The following ARMC6 variants were observed in gnomAD, a reference collection of about 807,000 sequenced individuals.
ARMC6 encodes armadillo repeat-containing protein 6.
Under a neutral mutation model 49.2 loss-of-function variants are expected in ARMC6, and 43 were observed. The ratio of observed to expected loss-of-function variants is 0.87; its 90% CI spans 0.69 to 1.13. The LOEUF (loss-of-function observed/expected upper bound fraction) is 1.13, where lower values mean the gene tolerates loss of function less well. Ranked by LOEUF, ARMC6 falls within the 50% of genes most tolerant of loss-of-function variation. The pLI, the probability that ARMC6 is intolerant of heterozygous loss-of-function variation, is 0.00. For missense variants in ARMC6, 627 were observed against 682.0 expected, an observed-to-expected ratio of 0.92 and a Z score of 0.90; for synonymous variants, 262 against 289.6, an observed-to-expected ratio of 0.90 and a Z score of 0.97.
intron 3 of ARMC6, among the ~76,000 whole-genome samples, chr19:19,043,629 C>G (rs937154848): frequency 1.3e-5 from 2 of 152,122 alleles, no homozygotes; most frequent in African/African-American, 4.8e-5. Flanking sequence ...AGAATGCAGC[C>G]AGAGCCAGGA....
chr19:19,054,009 T>G, intron 5 of ARMC6, 143 bp from the exon 6 acceptor site: 1 of 732,210 alleles, frequency 1.4e-6, no homozygotes, highest in South Asian at 3.4e-5. Flanking sequence ...CCCCTGGTGT[T>G]CCCTGGGGCC....
intron 2 of ARMC6, chr19:19,037,565 C>A: frequency 1.1e-6 from 1 of 941,820 alleles, no homozygotes; most frequent in Non-Finnish European, 1.5e-6. Context: ...TGGAGTTTCG[C>A]CACGTGTCCA....
Position 19,045,493 on chromosome 19 carries a change from C to CTTTGTTTTTTTTTTTTTTTT in ARMC6, c.279+1422_279+1423insGTTTTTTTTTTTTTTTTTTT. On this transcript the variant is annotated intron_variant, in intron 4 of 8. Coordinates refer to ENST00000535612, the MANE Select transcript of ARMC6 (RefSeq NM_001199196.2). The stretch of plus-strand genomic sequence containing the variant: ...TAAGTGCTCAGCATTATGCTAAATT[C>CTTTGTTTTTTTTTTTTTTTT]TTTTTTTTTTTGAGACAAGAGTCTC... 2.2e-5 allele frequency among the ~76,000 whole-genome samples: 2 copies of CTTTGTTTTTTTTTTTTTTTT among 89,118 alleles called. 1 individual carries two copies. The highest frequency in any genetic ancestry group is 4.1e-5 in the Non-Finnish European group (2 of 49,294). The allele number at this position is 89,118 out of a possible 152,430, so 58.5% of individuals were successfully genotyped here. A position where few individuals can be genotyped will look rare whatever the true frequency, so the allele number is the denominator to read the frequency against.
intron 6 of ARMC6, among the ~76,000 whole-genome samples, chr19:19,054,794 C>T (rs2059529693): frequency 1.3e-5 from 2 of 152,194 alleles, no homozygotes; most frequent in South Asian, 4.1e-4. Flanking sequence ...CTGTTGACGT[C>T]AGCCAGCCTC....
At chr19:19,057,350 C>T (rs1018554476) in intron 8 of ARMC6, 66 bp from the exon 9 acceptor site, 12 of 1,373,950 alleles carry the variant, frequency 8.7e-6, no homozygotes, top group Non-Finnish European at 1.2e-5. Context: ...TGATGAAGAC[C>T]CTGAGGTCAG....
intron 2 of ARMC6, among the ~76,000 whole-genome samples, chr19:19,041,314 G>A (rs2059409884): frequency 6.6e-6 from 1 of 152,166 alleles, no homozygotes; most frequent in South Asian, 2.1e-4. Flanking sequence ...ATATATAGGA[G>A]TTCTGAGATT....
chr19:19,051,266 G>A lies in ARMC6; in HGVS notation c.280-356G>A, dbSNP rs369903143. ...ACTGGATGGTTCTTCTGCTGGTATC[G>A]CTTGGGGCCTCTTGATGGCAGGTAG... is the stretch of plus-strand genomic sequence containing the variant. On this transcript the variant is annotated intron_variant, in intron 4 of 8. Coordinates refer to ENST00000535612, the MANE Select transcript of ARMC6 (RefSeq NM_001199196.2). 3.0e-4 allele frequency among the ~76,000 whole-genome samples: 45 copies of A among 152,230 alleles called. No individual in the cohort carries two copies. The East Asian group carries it at 7.1e-3, about 24-fold the overall frequency.
Position 19,055,702 on chromosome 19 carries a change from G to A in ARMC6, c.1156-89G>A. 2.0e-6 allele frequency: 3 copies of A among 1,490,548 alleles called. No individual in the cohort carries two copies. Among genetic ancestry groups the A allele is most frequent in the Non-Finnish European group, 2.7e-6 (3 of 1,115,258 alleles). The allele number at this position is 1,490,548 out of a possible 1,614,324, so 92.3% of individuals were successfully genotyped here. On this transcript the variant is annotated intron_variant, in intron 7 of 8. Transcript: ENST00000535612. This position sits in a 1 kb window ranked among gnomAD's most constrained non-coding sequence, Gnocchi z 5.7. ...AGAGACCCACGGAGGGGAGGCCGCA[G>A]GGTGTTCACCAGGGGTTGGTGGCCA... is the stretch of plus-strand genomic sequence containing the variant.
chr19:19,056,627 G>GA (rs1357806464), intron 8 of ARMC6, among the ~76,000 whole-genome samples: 1 of 152,172 alleles, frequency 6.6e-6, no homozygotes, highest in African/African-American at 2.4e-5. Context: ...CGTGGATGGG[G>GA]ATCTGCCTGG....
chr19:19,048,870 T>A (rs2059473111), intron 4 of ARMC6, among the ~76,000 whole-genome samples: 2 of 152,156 alleles, frequency 1.3e-5, no homozygotes, highest in Non-Finnish European at 2.9e-5. Flanking sequence ...TTAGTTAGGC[T>A]GGAACTTGGT....
Position 19,054,229 on chromosome 19 carries a change from C to G in ARMC6, c.931C>G (p.Gln311Glu). The change falls in exon 6 of 9, where the codon CAG (glutamine) becomes GAG (glutamate). Residue 311 changes from glutamine to glutamate, a missense_variant. By Grantham distance (29) the Gln-to-Glu change is conservative. Coordinates refer to ENST00000535612, the MANE Select transcript of ARMC6 (RefSeq NM_001199196.2). The stretch of plus-strand genomic sequence containing the variant: ...CCTGGCCATTCGCAACGAGTTCTGC[C>G]AGGAGGTCGTCGACCTCGGGGGCCT... ...SRLAIRNEFC[Q>E]EVVDLGGLSI... 6.2e-7 allele frequency: 1 copy of G among 1,612,014 alleles called. No homozygotes were observed. The highest frequency in any genetic ancestry group is 8.5e-7 in the Non-Finnish European group (1 of 1,179,170).
intron 4 of ARMC6, among the ~76,000 whole-genome samples, chr19:19,047,042 C>T (rs1343326307): frequency 6.6e-6 from 1 of 150,956 alleles, no homozygotes; most frequent in Non-Finnish European, 1.5e-5. Context: ...CAACCTCCAC[C>T]TCCCAGGTTC....
At position 19,051,712 on chromosome 19, in the gene ARMC6, G is replaced by C. The variant is rs565358474; in HGVS notation, c.370G>C (p.Asp124His). ...LTRFCDQCKQ[D>H]KACRFLAAQK... is the part of the protein sequence containing the mutation. ...CCGCTTCTGCGACCAGTGCAAACAG[G>C]ACAAGGCCTGCCGCTTCCTCGCGGC... The change falls in exon 5 of 9, where the codon GAC becomes CAC. Residue 124 changes from aspartate to histidine, a missense_variant. Asp to His is a moderately conservative substitution (Grantham distance 81). Transcript: ENST00000535612. 1.2e-6 allele frequency: 2 copies of C among 1,613,974 alleles called. No individual in the cohort carries two copies. Among genetic ancestry groups the C allele is most frequent in the Non-Finnish European group, 1.7e-6 (2 of 1,180,038 alleles).
chr19:19,040,188 A>AGGAGGTAGGTGTTGCT lies in ARMC6; in HGVS notation c.30-2520_30-2505dup, dbSNP rs1226967800. ...TCACAGGTGCATTTTGTTCTTGTTC[A>AGGAGGTAGGTGTTGCT]GGAGGTAGGTGTTGCTGGTTTCTCT... On this transcript the variant is annotated intron_variant, in intron 2 of 8. Coordinates refer to ENST00000535612, the MANE Select transcript of ARMC6 (RefSeq NM_001199196.2). Among the ~76,000 whole-genome samples, 17 of 152,284 alleles carry AGGAGGTAGGTGTTGCT rather than the reference A, an allele frequency of 1.1e-4. No homozygotes were observed. In the East Asian group the frequency reaches 3.3e-3, roughly 29 times the overall value.
intron 2 of ARMC6, among the ~76,000 whole-genome samples, chr19:19,035,185 C>G (rs996210764): frequency 6.6e-6 from 1 of 152,034 alleles, no homozygotes; most frequent in Non-Finnish European, 1.5e-5. Context: ...TTTGTATTTT[C>G]AGTAGAGACA....
rs1410484657 is a variant in ARMC6, at chr19:19,051,823, G to A, written c.481G>A (p.Ala161Thr). The stretch of plus-strand genomic sequence containing the variant: ...GGGCCTTCTGCTCCAGTCCCTCAAT[G>A]CCCTGTCGGTGCTGACTGATGGACA... ...DQGLLLQSLNALSVLTDGQPD... is the reference protein window; with the variant it reads ...DQGLLLQSLNTLSVLTDGQPD... Residue 161 changes from alanine (A) to threonine (T), a missense_variant, in exon 5 of 9, where the codon GCC becomes ACC. Ala to Thr is a moderately conservative substitution (Grantham distance 58, BLOSUM62 0). Coordinates refer to ENST00000535612, the MANE Select transcript of ARMC6 (RefSeq NM_001199196.2). The A allele has an allele frequency of 5.6e-6, 9 of 1,614,058 alleles. No individual in the cohort carries two copies. Among genetic ancestry groups the A allele is most frequent in the Non-Finnish European group, 7.6e-6 (9 of 1,180,004 alleles).
At chr19:19,046,458 A>G (rs2059451274) in intron 4 of ARMC6, among the ~76,000 whole-genome samples, 1 of 151,652 alleles carries the variant, frequency 6.6e-6, no homozygotes, top group Non-Finnish European at 1.5e-5. Flanking sequence ...CGGCCTCCCA[A>G]AGTGCTGGGA....
chr19:19,040,212 C>T (rs1284939346), intron 2 of ARMC6, among the ~76,000 whole-genome samples: 2 of 152,114 alleles, frequency 1.3e-5, no homozygotes, highest in African/African-American at 4.8e-5. Flanking sequence ...GCTGGTTTCT[C>T]TTGATGATGT....
chr19:19,047,816 G>A (rs1370266818), intron 4 of ARMC6, among the ~76,000 whole-genome samples: 2 of 152,278 alleles, frequency 1.3e-5, no homozygotes, highest in Non-Finnish European at 1.5e-5. Context: ...TACGTTTTAG[G>A]GAGACATGAG....
Sources: allele counts gnomAD v4.1 joint callset (sites outside exome capture counted in the v4.1 genomes callset), GRCh38; gene constraint gnomAD v4.1.1; non-coding constraint Gnocchi (gnomAD v3.1); transcripts MANE v1.5; gene names NCBI Gene and HGNC (gene_info 2026-07-23, HGNC 2026-07-21).